GTF3C4: variants seen among roughly 807,000 people sequenced by gnomAD.
GTF3C4 encodes the protein general transcription factor 3C polypeptide 4.
A neutral mutation model predicts 67.5 loss-of-function variants in GTF3C4; 28 were observed. That is an observed-to-expected ratio of 0.41 (90% CI 0.31 to 0.57). The LOEUF is 0.57. GTF3C4 is among the 20% of genes least tolerant of loss of function. The pLI, the probability that GTF3C4 is intolerant of heterozygous loss-of-function variation, is 0.21. For synonymous variants in GTF3C4, 409 were observed against 393.0 expected, an observed-to-expected ratio of 1.04 and a Z score of -0.48; for missense variants, 831 against 1,033.2, an observed-to-expected ratio of 0.80 and a Z score of 2.68.
rs746387746 is a variant in GTF3C4, at chr9:132,688,885, C to T, written c.2409C>T (p.Pro803=). 8 of 1,610,940 alleles carry T rather than the reference C, an allele frequency of 5.0e-6. No homozygotes were observed. Among genetic ancestry groups the T allele is most frequent in the Admixed American group, 3.3e-5 (2 of 60,006 alleles). Residue 803 remains proline, a synonymous_variant, in exon 5 of 5, where the codon CCC becomes CCT. Coordinates refer to ENST00000372146, the MANE Select transcript of GTF3C4 (RefSeq NM_012204.4). Reference sequence around the variant, plus strand: ...CCACTTGTCCTCCTTTTGCAGATCCCGACTGGATTAAGAGGTTACTGCAAA... The same window carrying T: ...CCACTTGTCCTCCTTTTGCAGATCCTGACTGGATTAAGAGGTTACTGCAAA... ...SIARHPAPED[P]DWIKRLLQSP...
chr9:132,679,410 G>C lies in GTF3C4; in HGVS notation c.1791G>C (p.Trp597Cys). The C allele has an allele frequency of 6.2e-7, 1 of 1,614,146 alleles. No individual in the cohort carries two copies. The highest frequency in any genetic ancestry group is 8.5e-7 in the Non-Finnish European group (1 of 1,180,042). Residue 597 changes from tryptophan (W) to cysteine (C), a missense_variant, in exon 2 of 5, where the codon TGG becomes TGC. By Grantham distance (215) the Trp-to-Cys change is radical. Around this residue, in one of 4 missense-constraint regions of GTF3C4, gnomAD observed 75 missense variants for 66.4 expected, o/e 1.13. Coordinates refer to ENST00000372146, the MANE Select transcript of GTF3C4 (RefSeq NM_012204.4). This position sits in a 1 kb window ranked among gnomAD's most constrained non-coding sequence, Gnocchi z 5.9. ...AGAAAACCCCTTCAGAAGCCTTGTG[G>C]AAACCCACCCATGAGGACTCAAAAA... The part of the protein sequence containing the change: ...SMQKTPSEAL[W>C]KPTHEDSKIL...
chr9:132,673,300 C>T (rs1835815615), intron 1 of GTF3C4, among the ~76,000 whole-genome samples: 1 of 152,184 alleles, frequency 6.6e-6, no homozygotes, highest in East Asian at 1.9e-4. Context: ...CATTTTGCCT[C>T]AGTTAACATT....
chr9:132,689,353 T>G lies in GTF3C4; in HGVS notation c.*408T>G. 5.8e-6 allele frequency: 1 copy of G among 171,334 alleles called. No individual in the cohort carries two copies. The highest frequency in any genetic ancestry group is 1.3e-5 in the Non-Finnish European group (1 of 78,644). The allele number at this position is 171,334 out of a possible 1,614,324, so 10.6% of individuals were successfully genotyped here. ...GTTAGGTTTTAATCCTTGCTTTGGT[T>G]TGGAACTGCCTTCGGGCTCCAGAAC... On this transcript the variant is annotated 3_prime_UTR_variant, in exon 5 of 5. Transcript: ENST00000372146.
chr9:132,678,328 G>A lies in GTF3C4; in HGVS notation c.709G>A (p.Ala237Thr), dbSNP rs748932249. ...CCCGGAAGGAAATCTCGGGGATTTT[G>A]CTGAGTTTCAGAGGAGACACAGCAT... ...EAPEGNLGDF[A>T]EFQRRHSMQT... The change falls in exon 2 of 5, where the codon GCT becomes ACT. Residue 237 changes from alanine (A) to threonine (T), a missense_variant. Physicochemically the swap from Ala to Thr is moderately conservative, Grantham distance 58. Transcript: ENST00000372146. The surrounding 1 kb of genome is among the most constrained non-coding windows in gnomAD (Gnocchi z 6.5). 1 of 1,614,206 alleles carries A rather than the reference G, an allele frequency of 6.2e-7. No individual in the cohort carries two copies. The highest frequency in any genetic ancestry group is 8.5e-7 in the Non-Finnish European group (1 of 1,180,032).
Position 132,679,538 on chromosome 9 carries a change from G to T in GTF3C4, c.1919G>T (p.Ser640Ile). Reference sequence around the variant, plus strand: ...GTGAAGCAAGGCCTGCAGGAGAGGAGCAAGGAAGGAGATGTAGAGGAGCCC... The same window carrying T: ...GTGAAGCAAGGCCTGCAGGAGAGGATCAAGGAAGGAGATGTAGAGGAGCCC... ...QVVKQGLQER[S>I]KEGDVEEPTD... is the part of the protein sequence containing the mutation. Residue 640 changes from serine (S) to isoleucine (I), a missense_variant, in exon 2 of 5, where the codon AGC becomes ATC. Around this residue, in one of 4 missense-constraint regions of GTF3C4, gnomAD observed 75 missense variants for 66.4 expected, o/e 1.13. Coordinates refer to ENST00000372146, the MANE Select transcript of GTF3C4 (RefSeq NM_012204.4). The surrounding 1 kb of genome is among the most constrained non-coding windows in gnomAD (Gnocchi z 5.9). 6.2e-7 allele frequency: 1 copy of T among 1,614,178 alleles called. No homozygotes were observed. Among genetic ancestry groups the T allele is most frequent in the Non-Finnish European group, 8.5e-7 (1 of 1,180,034 alleles).
chr9:132,671,998 C>A (rs917276728), intron 1 of GTF3C4, among the ~76,000 whole-genome samples: 14 of 152,046 alleles, frequency 9.2e-5, no homozygotes, highest in Admixed American at 5.9e-4. Flanking sequence ...TGCAGATAAC[C>A]CTCATCACTT....
rs1836103266 is a variant in GTF3C4, at chr9:132,690,714, GA to G, written c.*1772del. On this transcript the variant is annotated 3_prime_UTR_variant, in exon 5 of 5. Coordinates refer to ENST00000372146, the MANE Select transcript of GTF3C4 (RefSeq NM_012204.4). ...TTCAAGAAAGAAACCAAGCAGCATT[GA>G]AATCATGAGTAACAGAATTCAGAAC... 6.6e-6 allele frequency: 1 copy of G among 152,186 alleles called. No individual in the cohort carries two copies. The highest frequency in any genetic ancestry group is 2.1e-4 in the South Asian group (1 of 4,830). 9.4% of individuals were successfully genotyped at this position (152,186 alleles called of 1,614,324 possible). A position where few individuals can be genotyped will look rare whatever the true frequency, so the allele number is the denominator to read the frequency against.
In GTF3C4 at chr9:132,678,831, T is replaced by G; in HGVS notation, c.1212T>G (p.Leu404=). The change falls in exon 2 of 5, where the codon CTT becomes CTG. Residue 404 remains leucine (L), a synonymous_variant. Coordinates refer to ENST00000372146, the MANE Select transcript of GTF3C4 (RefSeq NM_012204.4). The surrounding 1 kb of genome is among the most constrained non-coding windows in gnomAD (Gnocchi z 6.5). ...GCTCTTATGTATTTTGGTGTCTTCT[T>G]CTGATCTCCAAAGCAGGGCTGAATG... is the stretch of plus-strand genomic sequence containing the variant. ...ARGSYVFWCL[L]LISKAGLNVH... The G allele has an allele frequency of 1.2e-6, 2 of 1,614,194 alleles. No homozygotes were observed. The highest frequency in any genetic ancestry group is 2.2e-5 in the South Asian group (2 of 91,080).
Position 132,683,454 on chromosome 9 carries a change from CTCTTT to C in GTF3C4, c.2185-102_2185-98del, listed in dbSNP as rs1279255466. On this transcript the variant is annotated intron_variant, in intron 2 of 4. Transcript: ENST00000372146. ...ATCTCCTGTCTTCTGTAAAATATTG[CTCTTT>C]TCTTTTTTTCTTTATTTTTTAATTT... is the stretch of plus-strand genomic sequence containing the variant. The C allele has an allele frequency of 1.1e-5, 10 of 935,148 alleles. No individual in the cohort carries two copies. In the African/African-American group the frequency reaches 1.4e-4, roughly 13 times the overall value. The allele number at this position is 935,148 out of a possible 1,614,324, so 57.9% of individuals were successfully genotyped here. A position where few individuals can be genotyped will look rare whatever the true frequency, so the allele number is the denominator to read the frequency against.
chr9:132,683,718 T>C, intron 3 of GTF3C4, 25 bp downstream of exon 3: 1 of 1,592,306 alleles, frequency 6.3e-7, no homozygotes, highest in Non-Finnish European at 8.5e-7. Flanking sequence ...AAGTTTCTAC[T>C]TCTGCTCATT....
At chr9:132,677,205 C>G (rs1281066115) in intron 1 of GTF3C4, among the ~76,000 whole-genome samples, 4 of 152,104 alleles carry the variant, frequency 2.6e-5, no homozygotes, top group African/African-American at 9.7e-5. Context: ...AGTTCAAGAC[C>G]AGCCTGACCA....
Position 132,689,007 on chromosome 9 carries a change from C to A in GTF3C4, c.*62C>A. 8.0e-7 allele frequency: 1 copy of A among 1,255,194 alleles called. No homozygotes were observed. Among genetic ancestry groups the A allele is most frequent in the Non-Finnish European group, 1.2e-6 (1 of 858,600 alleles). 77.8% of individuals were successfully genotyped at this position (1,255,194 alleles called of 1,614,324 possible). A position where few individuals can be genotyped will look rare whatever the true frequency, so the allele number is the denominator to read the frequency against. On this transcript the variant is annotated 3_prime_UTR_variant, in exon 5 of 5. Coordinates refer to ENST00000372146, the MANE Select transcript of GTF3C4 (RefSeq NM_012204.4). ...CTCTGCCATAGAAAACTTCCTCCAGCCTGAAGAGAAGGATGCACTGGAGGA... is the reference window on the plus strand; with the variant it reads ...CTCTGCCATAGAAAACTTCCTCCAGACTGAAGAGAAGGATGCACTGGAGGA...
rs747521608 is a variant in GTF3C4, at chr9:132,679,816, TA to T, written c.2184+15del. On this transcript the variant is annotated intron_variant, in intron 2 of 4. Transcript: ENST00000372146. This position sits in a 1 kb window ranked among gnomAD's most constrained non-coding sequence, Gnocchi z 5.9. ...CAGAACTGCACGGGTAGGTGTTTAT[TA>T]ACAAAAACTCTGAAATTGTAAAGCC... 12 of 1,548,216 alleles carry T rather than the reference TA, an allele frequency of 7.8e-6. No homozygotes were observed. Among genetic ancestry groups the T allele is most frequent in the Middle Eastern group, 1.7e-4 (1 of 5,776 alleles).
At position 132,678,985 on chromosome 9, in the gene GTF3C4, G is replaced by A; in HGVS notation, c.1366G>A (p.Asp456Asn). 1 of 1,614,202 alleles carries A rather than the reference G, an allele frequency of 6.2e-7. No individual in the cohort carries two copies. The highest frequency in any genetic ancestry group is 8.5e-7 in the Non-Finnish European group (1 of 1,180,030). The change falls in exon 2 of 5, where the codon GAT becomes AAT. Residue 456 changes from aspartate to asparagine, a missense_variant. Asp to Asn is a conservative substitution (Grantham distance 23). Around this residue, in one of 4 missense-constraint regions of GTF3C4, gnomAD observed 390 missense variants for 540.3 expected, o/e 0.72. Transcript: ENST00000372146. This position sits in a 1 kb window ranked among gnomAD's most constrained non-coding sequence, Gnocchi z 6.5. ...GAGGCAGCTGATTCCCATTTTCACA[G>A]ATGTTGCATTGAAGTTTGAACACCA... Reference protein sequence around the residue: ...KVRQLIPIFTDVALKFEHQLI... With the variant: ...KVRQLIPIFTNVALKFEHQLI...
At chr9:132,687,776 T>C (rs1836053834) in intron 4 of GTF3C4, among the ~76,000 whole-genome samples, 1 of 152,228 alleles carries the variant, frequency 6.6e-6, no homozygotes, top group South Asian at 2.1e-4. Flanking sequence ...GGTTGGTCTA[T>C]GTGCTCTTTC....
intron 3 of GTF3C4, among the ~76,000 whole-genome samples, chr9:132,684,315 A>G (rs1025617719): frequency 3.9e-5 from 6 of 152,204 alleles, no homozygotes; most frequent in African/African-American, 1.4e-4. Flanking sequence ...TGGATGTTTA[A>G]TAGGCATTTC....
At chr9:132,676,722 T>C (rs1835869980) in intron 1 of GTF3C4, among the ~76,000 whole-genome samples, 1 of 152,202 alleles carries the variant, frequency 6.6e-6, no homozygotes, top group African/African-American at 2.4e-5. Flanking sequence ...TGAGTTAATG[T>C]CTTCCAAGTG....
chr9:132,673,143 A>G (rs1332746743), intron 1 of GTF3C4, among the ~76,000 whole-genome samples: 2 of 152,306 alleles, frequency 1.3e-5, no homozygotes, highest in Admixed American at 1.3e-4. Context: ...AGATTGCGCC[A>G]CTGTACTCCA....
intron 2 of GTF3C4, among the ~76,000 whole-genome samples, chr9:132,681,081 CAA>C (rs1835936082): frequency 2.0e-5 from 3 of 152,106 alleles, no homozygotes; most frequent in African/African-American, 4.8e-5. Flanking sequence ...GCACAATCGA[CAA>C]GAGCAAAACC....
Sources: allele counts gnomAD v4.1 joint callset (sites outside exome capture counted in the v4.1 genomes callset), GRCh38; gene constraint gnomAD v4.1.1; regional missense constraint gnomAD v4.1.1; non-coding constraint Gnocchi (gnomAD v3.1); transcripts MANE v1.5; gene names NCBI Gene and HGNC (gene_info 2026-07-23, HGNC 2026-07-21).